Variants in LTBP1 observed in about 807,000 individuals in gnomAD.
LTBP1 encodes the protein latent transforming growth factor beta binding protein 1.
A neutral mutation model predicts 207.6 loss-of-function variants in LTBP1; 129 were observed. The observed-to-expected ratio is 0.62, with a 90% confidence interval of 0.54 to 0.72. The LOEUF (loss-of-function observed/expected upper bound fraction) is 0.72, where lower values mean the gene tolerates loss of function less well. Among genes scored for constraint, LTBP1 ranks in the 30% least tolerant of loss-of-function variants. The pLI is 0.00. For missense variants in LTBP1, 2,281 were observed against 2,217.2 expected (o/e 1.03, Z -0.58); for synonymous variants, 963 against 833.7 (o/e 1.16, Z -2.67).
intron 26 of LTBP1, 23 bp downstream of exon 26, chr2:33,347,533 A>G (rs1490469639): frequency 6.2e-7 from 1 of 1,613,520 alleles, no homozygotes. Flanking sequence ...GACACTGTGC[A>G]AGGGAATGAC....
intron 2 of LTBP1, among the ~76,000 whole-genome samples, chr2:33,019,540 G>C (rs2075048332): frequency 6.6e-6 from 1 of 151,588 alleles, no homozygotes; most frequent in Non-Finnish European, 1.5e-5. Flanking sequence ...TCACTATTTT[G>C]ACCAGGCTGG....
chr2:33,009,158 G>T (rs576764917), intron 2 of LTBP1, among the ~76,000 whole-genome samples: 2 of 152,326 alleles, frequency 1.3e-5, no homozygotes, highest in Admixed American at 1.3e-4. Context: ...GACTGCAGGG[G>T]ATAAGGTGGC....
chr2:33,036,459 T>G (rs2075926431), intron 3 of LTBP1, among the ~76,000 whole-genome samples: 1 of 151,796 alleles, frequency 6.6e-6, no homozygotes, highest in Non-Finnish European at 1.5e-5. Context: ...GATGAACGTT[T>G]TTTTTTTTCT....
intron 24 of LTBP1, among the ~76,000 whole-genome samples, chr2:33,326,285 G>T (rs2094426084): frequency 6.6e-6 from 1 of 152,108 alleles, no homozygotes; most frequent in African/African-American, 2.4e-5. Context: ...TCCATTCATG[G>T]AGTGGGGAAG....
At chr2:33,042,859 G>A (rs6748045) in intron 3 of LTBP1, among the ~76,000 whole-genome samples, 14,293 of 152,174 alleles carry the variant, frequency 0.094, 894 homozygotes, top group Non-Finnish European at 0.14. Flanking sequence ...TGTAAAAACT[G>A]TTTTGGGAAG....
chr2:33,327,877 G>A (rs1324806783), intron 24 of LTBP1, among the ~76,000 whole-genome samples: 2 of 151,870 alleles, frequency 1.3e-5, no homozygotes, highest in East Asian at 1.9e-4. Flanking sequence ...AGTGACTCAC[G>A]CCTGTAATCC....
chr2:33,143,373 G>A (rs957046544), intron 5 of LTBP1, among the ~76,000 whole-genome samples: 5 of 152,180 alleles, frequency 3.3e-5, no homozygotes, highest in Non-Finnish European at 5.9e-5. Flanking sequence ...ATGCATTTTT[G>A]TTGACAATAA....
At chr2:33,066,710 A>G (rs2077527678) in intron 3 of LTBP1, among the ~76,000 whole-genome samples, 1 of 152,234 alleles carries the variant, frequency 6.6e-6, no homozygotes, top group South Asian at 2.1e-4. Context: ...TAGAAAATTT[A>G]AAATCAAATG....
chr2:33,228,116 A>C (rs951308767), intron 9 of LTBP1, among the ~76,000 whole-genome samples: 9 of 152,070 alleles, frequency 5.9e-5, no homozygotes, highest in African/African-American at 1.4e-4. Context: ...AGAAGCTCTT[A>C]TTATAGCTTT....
intron 22 of LTBP1, among the ~76,000 whole-genome samples, chr2:33,307,351 C>G (rs1333638016): frequency 2.0e-5 from 3 of 152,078 alleles, no homozygotes; most frequent in Non-Finnish European, 2.9e-5. Context: ...TTTATAGAAA[C>G]CTTATTCACA....
At chr2:33,089,420 A>G (rs1219495325) in intron 3 of LTBP1, among the ~76,000 whole-genome samples, 2 of 152,182 alleles carry the variant, frequency 1.3e-5, no homozygotes, top group African/African-American at 4.8e-5. Flanking sequence ...ACATGTGGCA[A>G]TGTCTGGAGA....
intron 5 of LTBP1, among the ~76,000 whole-genome samples, chr2:33,160,770 A>G (rs895174697): frequency 4.6e-5 from 7 of 152,152 alleles, no homozygotes; most frequent in African/African-American, 1.7e-4. Context: ...GGTAGATTTT[A>G]TTTTATGTAC....
intron 23 of LTBP1, among the ~76,000 whole-genome samples, chr2:33,314,375 C>A: frequency 6.6e-6 from 1 of 152,052 alleles, no homozygotes; most frequent in East Asian, 1.9e-4. Flanking sequence ...CATAGTGAGA[C>A]CCCATCTCTG....
At chr2:33,297,470 C>T (rs189101427) in intron 20 of LTBP1, among the ~76,000 whole-genome samples, 48 of 151,942 alleles carry the variant, frequency 3.2e-4, no homozygotes, top group African/African-American at 1.0e-3. Flanking sequence ...CTCGCTTTGT[C>T]GCCCAGGCTG....
At chr2:33,281,070 AAAATATG>A (rs2093551481) in intron 19 of LTBP1, among the ~76,000 whole-genome samples, 1 of 152,164 alleles carries the variant, frequency 6.6e-6, no homozygotes, top group South Asian at 2.1e-4. Context: ...CCCTGTCTCT[AAAATATG>A]AAACAAAAGG....
chr2:33,082,431 ACT>A (rs2078472813), intron 3 of LTBP1, among the ~76,000 whole-genome samples: 5 of 116,038 alleles, frequency 4.3e-5, no homozygotes, highest in East Asian at 2.8e-4. Context: ...AGTATGACTC[ACT>A]TTTTTTTTTT....
intron 3 of LTBP1, among the ~76,000 whole-genome samples, chr2:33,024,302 G>T (rs896880637): frequency 6.6e-6 from 1 of 152,192 alleles, no homozygotes; most frequent in Non-Finnish European, 1.5e-5. Flanking sequence ...TGCTGGGTTG[G>T]TGTGTGGTGG....
At chr2:33,398,278 G>C in intron 33 of LTBP1, 86 bp from the exon 34 acceptor site, 1 of 1,276,016 alleles carries the variant, frequency 7.8e-7, no homozygotes, top group Non-Finnish European at 1.1e-6. Context: ...GGTGGTCGGG[G>C]GAAGGGCCTC....
At chr2:32,963,985 C>T (rs534677424) in intron 2 of LTBP1, among the ~76,000 whole-genome samples, 1 of 152,302 alleles carries the variant, frequency 6.6e-6, no homozygotes, top group African/African-American at 2.4e-5. Flanking sequence ...GAAATAGGTG[C>T]CATTACTTGT....
Sources: gnomAD v4.1 joint callset for allele counts (sites outside exome capture counted in the v4.1 genomes callset) on GRCh38, gnomAD v4.1.1 for gene constraint, MANE v1.5 for transcripts, NCBI Gene and HGNC (gene_info 2026-07-23, HGNC 2026-07-21) for gene names.